EP400: variants seen among roughly 807,000 people sequenced by gnomAD.
The protein encoded by EP400 is E1A binding protein p400.
In EP400, 105 loss-of-function variants were observed where a neutral mutation model predicts 354.1. That is an observed-to-expected ratio of 0.30 (90% confidence interval 0.25 to 0.35). The LOEUF (loss-of-function observed/expected upper bound fraction) is 0.35. EP400 is among the 10% of genes least tolerant of loss of function. The pLI is 1.00. For missense variants in EP400, 3,280 were observed against 4,121.0 expected, an observed-to-expected ratio of 0.80 and a Z score of 5.59; for synonymous variants, 1,646 against 1,716.9, an observed-to-expected ratio of 0.96 and a Z score of 1.02.
intron 1 of EP400, among the ~76,000 whole-genome samples, chr12:131,953,720 T>G (rs1332360453): frequency 4.6e-5 from 7 of 152,262 alleles, no homozygotes; most frequent in Admixed American, 2.0e-4. Context: ...TTAGTAGCTT[T>G]TAATTTGTTA....
At chr12:132,008,075 A>G (rs1336233574) in intron 15 of EP400, among the ~76,000 whole-genome samples, 1 of 152,108 alleles carries the variant, frequency 6.6e-6, no homozygotes, top group East Asian at 1.9e-4. Context: ...CAGCCTCCCA[A>G]GTAGCTGGGA....
chr12:132,063,942 A>G (rs1895795552), intron 47 of EP400, among the ~76,000 whole-genome samples: 1 of 152,122 alleles, frequency 6.6e-6, no homozygotes, highest in Non-Finnish European at 1.5e-5. Context: ...GGCAACTGTC[A>G]GGGAGTCAGA....
At chr12:132,040,488 T>G (rs781555890) in intron 32 of EP400, among the ~76,000 whole-genome samples, 16 of 152,206 alleles carry the variant, frequency 1.1e-4, no homozygotes, top group Admixed American at 5.2e-4. Context: ...AGTCTGTGGA[T>G]TTTCCATATT....
chr12:131,978,902 A>G (rs1892577390), intron 2 of EP400, among the ~76,000 whole-genome samples: 2 of 152,288 alleles, frequency 1.3e-5, no homozygotes, highest in Middle Eastern at 6.8e-3. Flanking sequence ...GTAGGGTGCT[A>G]ACTATAAAAA....
In EP400 at chr12:132,006,965, C is replaced by G. The variant is rs1321249263; in HGVS notation, c.3304+88C>G. ...GTTTGATGGGAGTGTGGGGACTTGG[C>G]TATCTTATCTACTTCTTTGCTCCTA... On this transcript the variant is annotated intron_variant, in intron 15 of 52. Coordinates refer to ENST00000389561, the MANE Select transcript of EP400 (RefSeq NM_015409.5). 9.9e-6 allele frequency: 14 copies of G among 1,417,304 alleles called. 1 individual carries two copies. The highest frequency in any genetic ancestry group is 1.4e-5 in the Non-Finnish European group (14 of 1,029,820). The allele number at this position is 1,417,304 out of a possible 1,614,324, so 87.8% of individuals were successfully genotyped here.
intron 19 of EP400, among the ~76,000 whole-genome samples, chr12:132,016,182 C>T (rs1252737081): frequency 1.3e-5 from 2 of 152,180 alleles, no homozygotes; most frequent in African/African-American, 2.4e-5. Context: ...GGCCTCTTTT[C>T]CTTCCCACCG....
intron 1 of EP400, among the ~76,000 whole-genome samples, chr12:131,959,472 G>A (rs894425228): frequency 5.9e-5 from 9 of 152,146 alleles, no homozygotes; most frequent in African/African-American, 1.9e-4. Context: ...CTCACCACAG[G>A]ATTACCCTTG....
intron 1 of EP400, among the ~76,000 whole-genome samples, chr12:131,959,824 T>C (rs1235929477): frequency 6.6e-6 from 1 of 152,248 alleles, no homozygotes. Context: ...TGGCACAGGC[T>C]GGCAGCCTCC....
At chr12:131,953,798 A>G (rs947113816) in intron 1 of EP400, among the ~76,000 whole-genome samples, 1 of 152,216 alleles carries the variant, frequency 6.6e-6, no homozygotes, top group African/African-American at 2.4e-5. Context: ...AAAAATTTCA[A>G]AGATACACAG....
At chr12:131,996,607 T>C (rs1893225921) in intron 12 of EP400, among the ~76,000 whole-genome samples, 1 of 152,144 alleles carries the variant, frequency 6.6e-6, no homozygotes, top group Non-Finnish European at 1.5e-5. Context: ...GGAACTCTTT[T>C]TAAAAACAAT....
intron 15 of EP400, among the ~76,000 whole-genome samples, chr12:132,009,266 G>A (rs572078538): frequency 6.6e-6 from 1 of 152,134 alleles, no homozygotes; most frequent in Non-Finnish European, 1.5e-5. Context: ...CTAGGGGATT[G>A]TGTTTTGTCA....
At chr12:131,981,807 G>T (rs748252713) in intron 4 of EP400, among the ~76,000 whole-genome samples, 7 of 152,178 alleles carry the variant, frequency 4.6e-5, no homozygotes, top group Non-Finnish European at 1.0e-4. Context: ...GCCACACGTC[G>T]CATTGTCATA....
chr12:132,074,303 G>A (rs1415430901), intron 51 of EP400, among the ~76,000 whole-genome samples: 1 of 152,170 alleles, frequency 6.6e-6, no homozygotes, highest in African/African-American at 2.4e-5. Flanking sequence ...GCCGGTGTCT[G>A]TCCAGCGTTT....
intron 12 of EP400, among the ~76,000 whole-genome samples, chr12:132,003,365 A>T (rs991879296): frequency 6.6e-6 from 1 of 152,164 alleles, no homozygotes; most frequent in African/African-American, 2.4e-5. Flanking sequence ...ATATGAGAGG[A>T]TGTGTATAGG....
chr12:132,003,118 G>A (rs1893471480), intron 12 of EP400, among the ~76,000 whole-genome samples: 1 of 146,488 alleles, frequency 6.8e-6, no homozygotes, highest in Admixed American at 6.6e-5. Flanking sequence ...GACTGAGGCA[G>A]GATGGTCACT....
chr12:131,963,511 T>C (rs77617861), intron 2 of EP400: 14 of 1,568,112 alleles, frequency 8.9e-6, no homozygotes, highest in Middle Eastern at 3.3e-4. Flanking sequence ...TGCCTTTTTT[T>C]CTCAAAATAT....
chr12:132,029,597 TG>T lies in EP400; in HGVS notation c.5382-101del. 7.7e-7 allele frequency: 1 copy of T among 1,304,938 alleles called. No homozygotes were observed. The highest frequency in any genetic ancestry group is 1.1e-6 in the Non-Finnish European group (1 of 932,788). 80.8% of individuals were successfully genotyped at this position (1,304,938 alleles called of 1,614,324 possible). A position where few individuals can be genotyped will look rare whatever the true frequency, so the allele number is the denominator to read the frequency against. ...GACTGGGTTGAGCCCTGCTGTTTCC[TG>T]GGACTTGGACTGTCAGAAGTCTGCC... On this transcript the variant is annotated intron_variant, in intron 27 of 52. Coordinates refer to ENST00000389561, the MANE Select transcript of EP400 (RefSeq NM_015409.5). This position sits in a 1 kb window ranked among gnomAD's most constrained non-coding sequence, Gnocchi z 4.7.
chr12:132,079,208 A>C lies in EP400; in HGVS notation c.*1535A>C, dbSNP rs937568287. The C allele has an allele frequency of 6.6e-6, 1 of 152,278 alleles. No homozygotes were observed. Among genetic ancestry groups the C allele is most frequent in the African/African-American group, 2.4e-5 (1 of 41,472 alleles). The allele number at this position is 152,278 out of a possible 1,614,324, so 9.4% of individuals were successfully genotyped here. ...CGATACAGCAGGAGTCAGTGAAATCAACTGGGGAGCTCACTTGAGCTCTTG... is the reference window on the plus strand; with the variant it reads ...CGATACAGCAGGAGTCAGTGAAATCCACTGGGGAGCTCACTTGAGCTCTTG... On this transcript the variant is annotated 3_prime_UTR_variant, in exon 53 of 53. Transcript: ENST00000389561.
chr12:131,961,054 G>C lies in EP400; in HGVS notation c.435G>C (p.Gln145His), dbSNP rs1356354098. The C allele has an allele frequency of 7.6e-6, 12 of 1,581,024 alleles. No homozygotes were observed. The highest frequency in any genetic ancestry group is 8.6e-6 in the Non-Finnish European group (10 of 1,163,566). ...CGCAGCCCAGTCCGGGGCCGGGGCA[G>C]GCCTTGCAGAATGTGCGTGCAGGTG... Reference protein sequence around the residue: ...SPTQPSPGPGQALQNVRAGAP... With the variant: ...SPTQPSPGPGHALQNVRAGAP... Residue 145 changes from glutamine to histidine, a missense_variant, in exon 2 of 53, where the codon CAG (glutamine) becomes CAC (histidine). Gln to His is a conservative substitution (Grantham distance 24). Transcript: ENST00000389561.
Sources: gnomAD v4.1 joint callset for allele counts (sites outside exome capture counted in the v4.1 genomes callset) on GRCh38, gnomAD v4.1.1 for gene constraint, Gnocchi (gnomAD v3.1) non-coding constraint, MANE v1.5 for transcripts, NCBI Gene and HGNC (gene_info 2026-07-23, HGNC 2026-07-21) for gene names.